The following PLOD2 variants were observed in gnomAD, a reference collection of about 807,000 sequenced individuals.
PLOD2 encodes procollagen-lysine,2-oxoglutarate 5-dioxygenase 2.
In PLOD2, 65 loss-of-function variants were observed where a neutral mutation model predicts 101.0. The observed-to-expected ratio is 0.64, with a 90% CI of 0.53 to 0.79. The LOEUF (loss-of-function observed/expected upper bound fraction) is 0.79. PLOD2 is among the 30% of genes least tolerant of loss of function. The pLI is 0.00. For synonymous variants in PLOD2, 314 were observed against 302.9 expected (o/e 1.04, Z -0.38); for missense variants, 909 against 914.6 (o/e 0.99, Z 0.08).
At chr3:146,096,686 G>C (rs966859650) in intron 7 of PLOD2, among the ~76,000 whole-genome samples, 1 of 135,438 alleles carries the variant, frequency 7.4e-6, no homozygotes, top group Non-Finnish European at 1.6e-5. Flanking sequence ...CCCTCCGTCC[G>C]GCAACCACCC....
rs1380080171 is a variant in PLOD2, at chr3:146,121,266, A to G, written c.202-18T>C. ...CCAAGGACCTATAAACAAAATCAAC[A>G]TTTCATTCCTGAGCAAAACTCAAAT... On this transcript the variant is annotated intron_variant, in intron 2 of 19. Transcript: ENST00000282903. 10 of 1,609,576 alleles carry G rather than the reference A, an allele frequency of 6.2e-6. No homozygotes were observed. Among genetic ancestry groups the G allele is most frequent in the Non-Finnish European group, 8.5e-6 (10 of 1,176,540 alleles).
intron 1 of PLOD2, among the ~76,000 whole-genome samples, chr3:146,138,121 G>C (rs758487163): frequency 3.3e-5 from 5 of 152,060 alleles, no homozygotes; most frequent in African/African-American, 4.8e-5. Flanking sequence ...AGACCACAGG[G>C]GGCACAGCTA....
At chr3:146,075,601 A>G (rs1276722750) in intron 15 of PLOD2, among the ~76,000 whole-genome samples, 3 of 151,502 alleles carry the variant, frequency 2.0e-5, no homozygotes, top group Non-Finnish European at 3.0e-5. Flanking sequence ...CTCTCTGGCT[A>G]TCTTTGATGT....
intron 12 of PLOD2, among the ~76,000 whole-genome samples, chr3:146,079,769 A>T (rs1032440877): frequency 6.6e-6 from 1 of 152,016 alleles, no homozygotes; most frequent in Non-Finnish European, 1.5e-5. Flanking sequence ...ACTTTAAATC[A>T]GGGAATCCTC....
At chr3:146,075,201 CAA>C (rs1358751489) in intron 15 of PLOD2, among the ~76,000 whole-genome samples, 1 of 151,518 alleles carries the variant, frequency 6.6e-6, no homozygotes, top group East Asian at 1.9e-4. Context: ...TTTAAAATAA[CAA>C]AATGTCAAAA....
In PLOD2 at chr3:146,110,364, A is replaced by T; in HGVS notation, c.423T>A (p.Asp141Glu). The T allele has an allele frequency of 6.2e-7, 1 of 1,613,798 alleles. No individual in the cohort carries two copies. Among genetic ancestry groups the T allele is most frequent in the Non-Finnish European group, 8.5e-7 (1 of 1,179,788 alleles). ...KANHKVVFAA[D>E]GILWPDKRLA... ...GTCTTTTATCTGGCCACAAAATTCC[A>T]TCTGCTGCAAAGACCACTTTGTGGT... The change falls in exon 4 of 20, where the codon GAT becomes GAA. Residue 141 changes from aspartate to glutamate, a missense_variant. Transcript: ENST00000282903.
intron 4 of PLOD2, among the ~76,000 whole-genome samples, chr3:146,108,750 CTG>C (rs759699465): frequency 2.0e-5 from 3 of 152,292 alleles, no homozygotes; most frequent in Non-Finnish European, 2.9e-5. Context: ...TTCCAAAGCA[CTG>C]TGAGTCTGTC....
Position 146,085,196 on chromosome 3 carries a change from G to T in PLOD2, c.1205C>A (p.Thr402Asn). The T allele has an allele frequency of 6.3e-7, 1 of 1,584,418 alleles. No individual in the cohort carries two copies. Among genetic ancestry groups the T allele is most frequent in the Non-Finnish European group, 8.7e-7 (1 of 1,153,942 alleles). The change falls in exon 11 of 20, where the codon ACT (threonine) becomes AAT (asparagine). Residue 402 changes from threonine (T) to asparagine (N), a missense_variant. Physicochemically the swap from Thr to Asn is moderately conservative, Grantham distance 65 (BLOSUM62 0). Coordinates refer to ENST00000282903, the MANE Select transcript of PLOD2 (RefSeq NM_182943.3). ...DADVVLTNPR[T>N]LKILIEQNRK... is the part of the protein sequence containing the mutation. ...GTTTTGTTCAATCAAAATTTTTAAA[G>T]TCCTTGGATTTGTCAAAACAACATC...
At chr3:146,103,182 T>C (rs1937452336) in intron 6 of PLOD2, among the ~76,000 whole-genome samples, 1 of 152,196 alleles carries the variant, frequency 6.6e-6, no homozygotes, top group Non-Finnish European at 1.5e-5. Flanking sequence ...TTGTTATTCT[T>C]GCCAAGTTAA....
intron 7 of PLOD2, among the ~76,000 whole-genome samples, chr3:146,099,959 T>C (rs1157274348): frequency 6.6e-6 from 1 of 150,534 alleles, no homozygotes; most frequent in African/African-American, 2.4e-5. Flanking sequence ...CTTGGCTCAC[T>C]GCAACCTGTC....
intron 5 of PLOD2, among the ~76,000 whole-genome samples, chr3:146,105,926 T>C (rs1169724847): frequency 6.6e-6 from 1 of 152,214 alleles, no homozygotes; most frequent in Non-Finnish European, 1.5e-5. Context: ...CAAATGGCTT[T>C]GGTGTAGCTT....
intron 12 of PLOD2, among the ~76,000 whole-genome samples, chr3:146,081,119 C>T (rs1936525984): frequency 6.6e-6 from 1 of 152,082 alleles, no homozygotes; most frequent in Non-Finnish European, 1.5e-5. Context: ...TCCAATATTA[C>T]CTTAGCAAAA....
At chr3:146,136,845 G>A (rs987284950) in intron 1 of PLOD2, among the ~76,000 whole-genome samples, 4 of 152,132 alleles carry the variant, frequency 2.6e-5, no homozygotes, top group African/African-American at 9.7e-5. Context: ...GGTTTACATA[G>A]GTACACTCTA....
intron 1 of PLOD2, among the ~76,000 whole-genome samples, chr3:146,159,407 T>C (rs1050228645): frequency 6.6e-6 from 1 of 152,272 alleles, no homozygotes; most frequent in Non-Finnish European, 1.5e-5. Context: ...ATTAAAAAGT[T>C]AGGGGTGTTG....
intron 1 of PLOD2, among the ~76,000 whole-genome samples, chr3:146,149,723 T>C (rs2108138672): frequency 6.6e-6 from 1 of 152,306 alleles, no homozygotes; most frequent in Admixed American, 6.5e-5. Flanking sequence ...TATTTGCTTA[T>C]TCAATAAATA....
intron 3 of PLOD2, among the ~76,000 whole-genome samples, chr3:146,120,124 T>C (rs1294626252): frequency 2.0e-5 from 3 of 151,370 alleles, no homozygotes; most frequent in Non-Finnish European, 4.4e-5. Flanking sequence ...GATTTTTTAA[T>C]GATCGCCATT....
chr3:146,085,149 T>TA lies in PLOD2; in HGVS notation c.1232+19dup. ...AATAATCATTTTAACAATAAATTGATATCGAATTTTAGAAAGTACCTGTTT... is the reference window on the plus strand; with the variant it reads ...AATAATCATTTTAACAATAAATTGATAATCGAATTTTAGAAAGTACCTGTTT... On this transcript the variant is annotated intron_variant, in intron 11 of 19. Transcript: ENST00000282903. 9.9e-7 allele frequency: 1 copy of TA among 1,013,930 alleles called. No homozygotes were observed. Among genetic ancestry groups the TA allele is most frequent in the Non-Finnish European group, 1.6e-6 (1 of 634,506 alleles). The allele number at this position is 1,013,930 out of a possible 1,614,324, so 62.8% of individuals were successfully genotyped here.
At chr3:146,156,996 G>A (rs1463945937) in intron 1 of PLOD2, among the ~76,000 whole-genome samples, 2 of 152,166 alleles carry the variant, frequency 1.3e-5, no homozygotes, top group East Asian at 1.9e-4. Context: ...AGGTAAAGCG[G>A]GAAATACAAC....
rs886058064 is a variant in PLOD2 at position 146,070,569 on chromosome 3, A to G, written c.*148T>C. On this transcript the variant is annotated 3_prime_UTR_variant, in exon 20 of 20. Coordinates refer to ENST00000282903, the MANE Select transcript of PLOD2 (RefSeq NM_182943.3). ...AGAAATATCAAACAATTTTTTATAA[A>G]AAGTTTTTCAAATGTTTGGCCCAAA... The G allele has an allele frequency of 5.3e-6, 3 of 563,036 alleles. No homozygotes were observed. The highest frequency in any genetic ancestry group is 6.3e-6 in the Non-Finnish European group (2 of 315,544). The allele number at this position is 563,036 out of a possible 1,614,324, so 34.9% of individuals were successfully genotyped here.
Sources: allele counts gnomAD v4.1 joint callset (sites outside exome capture counted in the v4.1 genomes callset), GRCh38; gene constraint gnomAD v4.1.1; transcripts MANE v1.5; gene names NCBI Gene and HGNC (gene_info 2026-07-23, HGNC 2026-07-21).